LRP1B: variants seen among roughly 807,000 people sequenced by gnomAD.
LRP1B encodes LDL receptor related protein 1B.
In LRP1B, 217 loss-of-function variants were observed where a neutral mutation model predicts 556.6. The observed-to-expected ratio is 0.39, with a 90% CI of 0.35 to 0.44. The LOEUF (loss-of-function observed/expected upper bound fraction) is 0.44, where lower values mean the gene tolerates loss of function less well. Among genes scored for constraint, LRP1B ranks in the 20% least tolerant of loss-of-function variants. The pLI, the probability that LRP1B is intolerant of heterozygous loss-of-function variation, is 1.00. For synonymous variants in LRP1B, 2,047 were observed against 1,865.8 expected (o/e 1.10, Z -2.50); for missense variants, 5,053 against 5,620.8 (o/e 0.90, Z 3.23).
chr2:140,575,921 AAAAAAAC>A (rs112393405), intron 43 of LRP1B, among the ~76,000 whole-genome samples: 21 of 149,242 alleles, frequency 1.4e-4, no homozygotes, highest in African/African-American at 5.2e-4. Context: ...ACTCTGTCTC[AAAAAAAC>A]AAAAAACAAA....
intron 2 of LRP1B, among the ~76,000 whole-genome samples, chr2:141,646,462 C>G (rs1210824899): frequency 6.6e-6 from 1 of 152,116 alleles, no homozygotes; most frequent in South Asian, 2.1e-4. Context: ...CAGTGCTGTG[C>G]TATGTGATAT....
intron 1 of LRP1B, among the ~76,000 whole-genome samples, chr2:141,856,977 A>T (rs1232334070): frequency 6.6e-6 from 1 of 151,916 alleles, no homozygotes; most frequent in Admixed American, 6.6e-5. Flanking sequence ...TGTGGCCTGG[A>T]CTGTAATGTC....
At chr2:141,592,224 T>C (rs1687366449) in intron 2 of LRP1B, among the ~76,000 whole-genome samples, 2 of 152,182 alleles carry the variant, frequency 1.3e-5, no homozygotes, top group Admixed American at 1.3e-4. Flanking sequence ...CTTGTCTTAG[T>C]CTGTTCAGGC....
chr2:141,360,889 C>T (rs914286659), intron 3 of LRP1B, among the ~76,000 whole-genome samples: 1 of 152,120 alleles, frequency 6.6e-6, no homozygotes, highest in Non-Finnish European at 1.5e-5. Flanking sequence ...TAAATTTGTT[C>T]ACTTAGCAAA....
chr2:140,329,766 C>T (rs988674355), intron 79 of LRP1B, among the ~76,000 whole-genome samples: 12 of 151,802 alleles, frequency 7.9e-5, no homozygotes, highest in Non-Finnish European at 1.8e-4. Flanking sequence ...TGAAAAAAAC[C>T]TACCATGCTC....
intron 35 of LRP1B, among the ~76,000 whole-genome samples, chr2:140,739,066 C>A (rs771038202): frequency 6.6e-6 from 1 of 152,176 alleles, no homozygotes; most frequent in Non-Finnish European, 1.5e-5. Flanking sequence ...CATTAAGCTT[C>A]CCTGCTTCCA....
intron 53 of LRP1B, among the ~76,000 whole-genome samples, chr2:140,504,102 TG>T (rs2104899405): frequency 6.6e-6 from 1 of 152,184 alleles, no homozygotes; most frequent in South Asian, 2.1e-4. Flanking sequence ...GCACATTTCT[TG>T]TCTCTTTATT....
At chr2:140,799,217 A>G (rs1690420988) in intron 32 of LRP1B, among the ~76,000 whole-genome samples, 2 of 152,104 alleles carry the variant, frequency 1.3e-5, no homozygotes, top group Non-Finnish European at 2.9e-5. Flanking sequence ...TCCCAACCCA[A>G]TTCACATGTT....
At chr2:142,037,022 T>C (rs1449277732) in intron 1 of LRP1B, among the ~76,000 whole-genome samples, 1 of 151,622 alleles carries the variant, frequency 6.6e-6, no homozygotes, top group Non-Finnish European at 1.5e-5. Flanking sequence ...CAGAGGACTA[T>C]GTGTAATTAT....
chr2:140,395,938 G>C (rs991152551), intron 66 of LRP1B, among the ~76,000 whole-genome samples: 1 of 152,116 alleles, frequency 6.6e-6, no homozygotes, highest in Non-Finnish European at 1.5e-5. Context: ...AAGTGAGTGG[G>C]GGGGAAGGGG....
At chr2:141,885,780 TTTAGA>T (rs1699093176) in intron 1 of LRP1B, among the ~76,000 whole-genome samples, 1 of 152,188 alleles carries the variant, frequency 6.6e-6, no homozygotes, top group Admixed American at 6.5e-5. Context: ...GGTACACTTA[TTTAGA>T]TTAAAGAATG....
intron 2 of LRP1B, among the ~76,000 whole-genome samples, chr2:141,606,337 A>G (rs1313988691): frequency 1.3e-5 from 2 of 152,216 alleles, no homozygotes; most frequent in Non-Finnish European, 2.9e-5. Flanking sequence ...TAAGTTTTAT[A>G]TTAGTGTTTG....
At chr2:140,619,793 T>A (rs1683388697) in intron 41 of LRP1B, among the ~76,000 whole-genome samples, 1 of 152,144 alleles carries the variant, frequency 6.6e-6, no homozygotes, top group Non-Finnish European at 1.5e-5. Flanking sequence ...CATCTTTCTA[T>A]CACTTTACAG....
intron 26 of LRP1B, 52 bp downstream of exon 26, chr2:140,868,047 A>G (rs2105155555): frequency 2.6e-6 from 4 of 1,525,768 alleles, no homozygotes; most frequent in Non-Finnish European, 3.5e-6. Flanking sequence ...CCAATGTTGT[A>G]AATATTATCT....
rs574406512 is a variant in LRP1B, at chr2:141,081,806, C to T, written c.1014-19533G>A. ...TAACACACAAGCCCATTGCTGGGTACTGATGATAAAAGCTGAGAAACGTCC... is the reference window on the plus strand; with the variant it reads ...TAACACACAAGCCCATTGCTGGGTATTGATGATAAAAGCTGAGAAACGTCC... On this transcript the variant is annotated intron_variant, in intron 7 of 90. Transcript: ENST00000389484. Among the ~76,000 whole-genome samples, 3 of 152,202 alleles carry T rather than the reference C, an allele frequency of 2.0e-5. No individual in the cohort carries two copies. The East Asian group carries it at 5.8e-4, about 29-fold the overall frequency.
chr2:140,440,757 G>C (rs1686391037), intron 66 of LRP1B, among the ~76,000 whole-genome samples: 1 of 152,120 alleles, frequency 6.6e-6, no homozygotes, highest in African/African-American at 2.4e-5. Context: ...GTGTGTGTGT[G>C]TGTACACACA....
chr2:140,645,602 C>T (rs550400575), intron 41 of LRP1B, among the ~76,000 whole-genome samples: 2 of 137,566 alleles, frequency 1.5e-5, no homozygotes, highest in African/African-American at 5.7e-5. Flanking sequence ...TGCAGTGACA[C>T]GATCTCCGCT....
At position 141,067,692 on chromosome 2, in the gene LRP1B, T is replaced by C. The variant is rs751134507; in HGVS notation, c.1014-5419A>G. On this transcript the variant is annotated intron_variant, in intron 7 of 90. Transcript: ENST00000389484. ...CATAATACCATTTATCTCCTCTCTC[T>C]TCACAGATAATTAGACCAAGAAGGA... Among the ~76,000 whole-genome samples, 38 of 152,088 alleles carry C rather than the reference T, an allele frequency of 2.5e-4. 1 individual carries two copies. Among genetic ancestry groups the C allele is most frequent in the Admixed American group, 1.2e-3 (18 of 15,246 alleles).
chr2:141,452,004 G>C (rs1681439601), intron 3 of LRP1B, among the ~76,000 whole-genome samples: 1 of 152,128 alleles, frequency 6.6e-6, no homozygotes, highest in South Asian at 2.1e-4. Context: ...TTTATTAAAT[G>C]CCTCCTCTTT....
Sources: gnomAD v4.1 joint callset for allele counts (sites outside exome capture counted in the v4.1 genomes callset) on GRCh38, gnomAD v4.1.1 for gene constraint, MANE v1.5 for transcripts, NCBI Gene and HGNC (gene_info 2026-07-23, HGNC 2026-07-21) for gene names.